The following WNK1 variants were observed in gnomAD, a reference collection of about 807,000 sequenced individuals.
WNK1 encodes the protein serine/threonine-protein kinase WNK1.
In WNK1, 38 loss-of-function variants were observed where a neutral mutation model predicts 222.8. The observed-to-expected ratio is 0.17, with a 90% CI of 0.13 to 0.22. The LOEUF (loss-of-function observed/expected upper bound fraction) is 0.22, where lower values mean the gene tolerates loss of function less well. Among genes scored for constraint, WNK1 ranks in the 10% least tolerant of loss-of-function variants. WNK1 has a pLI of 1.00. For missense variants in WNK1, 2,348 were observed against 2,918.4 expected, an observed-to-expected ratio of 0.80 and a Z score of 4.50; for synonymous variants, 1,090 against 1,092.9, an observed-to-expected ratio of 1.00 and a Z score of 0.05.
In WNK1 at chr12:861,209, T is replaced by A. The variant is rs1380816668; in HGVS notation, c.1817T>A (p.Leu606His). The A allele has an allele frequency of 1.2e-6, 2 of 1,613,712 alleles. No homozygotes were observed. Among genetic ancestry groups the A allele is most frequent in the African/African-American group, 1.3e-5 (1 of 74,772 alleles). ...SSASQTGIKQ[L>H]PSASTGIPTA... Reference sequence around the variant, plus strand: ...GCTTCCCAGACAGGAATCAAGCAGCTCCCTTCTGCTAGCACCGGCATACCT... The same window carrying A: ...GCTTCCCAGACAGGAATCAAGCAGCACCCTTCTGCTAGCACCGGCATACCT... The change falls in exon 7 of 28, where the codon CTC becomes CAC. Residue 606 changes from leucine (L) to histidine (H), a missense_variant. Coordinates refer to ENST00000315939, the MANE Select transcript of WNK1 (RefSeq NM_018979.4).
chr12:896,821 A>G (rs1312261180), intron 24 of WNK1, 89 bp downstream of exon 24: 4 of 1,426,542 alleles, frequency 2.8e-6, no homozygotes, highest in Middle Eastern at 2.2e-4. Flanking sequence ...TTTCGCCACA[A>G]TATGCTAATG....
chr12:756,560 TC>T (rs1377597357), intron 1 of WNK1, among the ~76,000 whole-genome samples: 1 of 152,234 alleles, frequency 6.6e-6, no homozygotes, highest in African/African-American at 2.4e-5. Flanking sequence ...TTTAGAAACT[TC>T]CATGTTATTT....
chr12:836,046 G>A (rs1248225981), intron 4 of WNK1, among the ~76,000 whole-genome samples: 1 of 152,070 alleles, frequency 6.6e-6, no homozygotes, highest in African/African-American at 2.4e-5. Context: ...TAGGTTTATT[G>A]TTACAGCACA....
At chr12:837,114 C>T (rs1949245673) in intron 4 of WNK1, among the ~76,000 whole-genome samples, 1 of 152,144 alleles carries the variant, frequency 6.6e-6, no homozygotes, top group South Asian at 2.1e-4. Flanking sequence ...AGAATCACAG[C>T]AGATTCAGAG....
At chr12:795,309 T>C (rs1486199201) in intron 1 of WNK1, among the ~76,000 whole-genome samples, 1 of 151,860 alleles carries the variant, frequency 6.6e-6, no homozygotes, top group Non-Finnish European at 1.5e-5. Flanking sequence ...TTTTTTTTTT[T>C]TTTCTTGAGT....
chr12:899,686 A>C (rs1440404105), intron 25 of WNK1, among the ~76,000 whole-genome samples: 1 of 152,202 alleles, frequency 6.6e-6, no homozygotes, highest in Non-Finnish European at 1.5e-5. Flanking sequence ...CAACCGACCT[A>C]TTGAAAGCAA....
At chr12:822,251 G>A (rs559372875) in intron 2 of WNK1, among the ~76,000 whole-genome samples, 47 of 151,632 alleles carry the variant, frequency 3.1e-4, no homozygotes, top group African/African-American at 5.6e-4. Context: ...TCACCACCAC[G>A]CCCAGCTAAT....
At chr12:875,776 G>C (rs529787971) in intron 9 of WNK1, among the ~76,000 whole-genome samples, 2 of 152,348 alleles carry the variant, frequency 1.3e-5, no homozygotes, top group East Asian at 3.9e-4. Flanking sequence ...TGAAGGTAAA[G>C]ATGCTGGTGT....
Position 753,739 on chromosome 12 carries a change from C to G in WNK1, c.174C>G (p.Arg58=), listed in dbSNP as rs139844665. Residue 58 remains arginine (R), a synonymous_variant, in exon 1 of 28, where the codon CGC becomes CGG. Coordinates refer to ENST00000315939, the MANE Select transcript of WNK1 (RefSeq NM_018979.4). This position sits in a 1 kb window ranked among gnomAD's most constrained non-coding sequence, Gnocchi z 5.2. ...GGACCGAGGAGTACAGGCGCCGCCGCCACACTATGGACAAGGACAGCCGTG... is the reference window on the plus strand; with the variant it reads ...GGACCGAGGAGTACAGGCGCCGCCGGCACACTATGGACAAGGACAGCCGTG... The part of the protein sequence containing the change: ...TGRTEEYRRR[R]HTMDKDSRGA... 6 of 1,612,248 alleles carry G rather than the reference C, an allele frequency of 3.7e-6. No homozygotes were observed. In the African/African-American group the frequency reaches 8.0e-5, roughly 22 times the overall value.
At chr12:891,224 C>T (rs957290534) in intron 22 of WNK1, among the ~76,000 whole-genome samples, 5 of 152,134 alleles carry the variant, frequency 3.3e-5, no homozygotes, top group Non-Finnish European at 7.4e-5. Flanking sequence ...TTGCAACCTC[C>T]ACCTCCCAGG....
chr12:798,200 T>TG (rs1248984069), intron 1 of WNK1, among the ~76,000 whole-genome samples: 3 of 151,684 alleles, frequency 2.0e-5, no homozygotes, highest in Non-Finnish European at 2.9e-5. Flanking sequence ...TTCTTTTTTT[T>TG]TTTGTTTTTG....
At chr12:887,556 A>G (rs1325190711) in intron 20 of WNK1, among the ~76,000 whole-genome samples, 2 of 152,230 alleles carry the variant, frequency 1.3e-5, no homozygotes, top group Non-Finnish European at 2.9e-5. Context: ...TTATGAAGGA[A>G]GAAAACAGCA....
rs753167766 is a variant in WNK1 at position 862,134 on chromosome 12, G to C, written c.2003G>C (p.Arg668Pro). ...GQGSSVFTES[R>P]VSSQQTVSYG... is the part of the protein sequence containing the mutation. Reference sequence around the variant, plus strand: ...GGATCCTCTGTCTTCACAGAATCTCGAGTGAGCAGCCAACAGACAGTTTCA... The same window carrying C: ...GGATCCTCTGTCTTCACAGAATCTCCAGTGAGCAGCCAACAGACAGTTTCA... The change falls in exon 8 of 28, where the codon CGA (arginine) becomes CCA (proline). Residue 668 changes from arginine to proline, a missense_variant. Around this residue, in one of 13 missense-constraint regions of WNK1, gnomAD observed 547 missense variants for 558.3 expected, o/e 0.98. Transcript: ENST00000315939. 1 of 1,613,972 alleles carries C rather than the reference G, an allele frequency of 6.2e-7. No homozygotes were observed. Among genetic ancestry groups the C allele is most frequent in the Non-Finnish European group, 8.5e-7 (1 of 1,179,972 alleles).
chr12:900,016 C>CTTTTTTTTTTTTT (rs11433731), intron 25 of WNK1, among the ~76,000 whole-genome samples: 1 of 119,642 alleles, frequency 8.4e-6, no homozygotes, highest in Non-Finnish European at 1.7e-5. Flanking sequence ...GGATTCTTTT[C>CTTTTTTTTTTTTT]TTTTTTTTTT....
chr12:835,041 G>A (rs999237978), intron 4 of WNK1, among the ~76,000 whole-genome samples: 1 of 152,186 alleles, frequency 6.6e-6, no homozygotes, highest in Non-Finnish European at 1.5e-5. Flanking sequence ...ATAATAGGCT[G>A]GGCCTGTAGG....
Position 896,737 on chromosome 12 carries a change from G to T in WNK1, c.6245+5G>T. ...GCTGCGACGACTACGAGATAAGTAA[G>T]TATATTTTCTCTTGTGAAAGAATGT... On this transcript the variant is annotated splice_donor_5th_base_variant and intron_variant, in intron 24 of 27. Coordinates refer to ENST00000315939, the MANE Select transcript of WNK1 (RefSeq NM_018979.4). 6.2e-7 allele frequency: 1 copy of T among 1,608,964 alleles called. No individual in the cohort carries two copies. Among genetic ancestry groups the T allele is most frequent in the Non-Finnish European group, 8.5e-7 (1 of 1,179,338 alleles).
At chr12:774,609 TG>T (rs1942899342) in intron 1 of WNK1, among the ~76,000 whole-genome samples, 1 of 152,242 alleles carries the variant, frequency 6.6e-6, no homozygotes, top group African/African-American at 2.4e-5. Flanking sequence ...ATGGAATTAC[TG>T]GTTCTAAGGG....
rs1565432275 is a variant in WNK1 at position 788,892 on chromosome 12, G to GAA, written c.760-24750_760-24749insAA. On this transcript the variant is annotated intron_variant, in intron 1 of 27. Transcript: ENST00000315939. ...ACAGAGCAAGACTCTGTCTCGGGGG[G>GAA]GAAAAAGAAAGGTAAGTGAGCAAAC... Among the ~76,000 whole-genome samples the GAA allele has an allele frequency of 2.7e-5, 4 of 149,446 alleles. No individual in the cohort carries two copies. In the South Asian group the frequency reaches 6.4e-4, roughly 24 times the overall value.
chr12:882,920 T>C (rs1953308917), intron 14 of WNK1, 23 bp from the exon 15 acceptor site: 1 of 1,419,650 alleles, frequency 7.0e-7, no homozygotes, highest in East Asian at 2.3e-5. Flanking sequence ...TCTTTGGAGA[T>C]GATGTACCTT....
Sources: gnomAD v4.1 joint callset for allele counts (sites outside exome capture counted in the v4.1 genomes callset) on GRCh38, gnomAD v4.1.1 for gene constraint, gnomAD v4.1.1 regional missense constraint, Gnocchi (gnomAD v3.1) non-coding constraint, MANE v1.5 for transcripts, NCBI Gene and HGNC (gene_info 2026-07-23, HGNC 2026-07-21) for gene names.